The following IPO13 variants were observed in gnomAD, a reference collection of about 807,000 sequenced individuals.
IPO13 encodes importin 13, also known as importin-13.
A neutral mutation model predicts 115.5 loss-of-function variants in IPO13; 28 were observed. That is an observed-to-expected ratio of 0.24 (90% confidence interval 0.18 to 0.33). The LOEUF is 0.33. Ranked by LOEUF, IPO13 falls within the 10% of genes least tolerant of loss-of-function variation. The pLI, the probability that IPO13 is intolerant of heterozygous loss-of-function variation, is 1.00. For synonymous variants in IPO13, 414 were observed against 478.9 expected, an observed-to-expected ratio of 0.86 and a Z score of 1.77; for missense variants, 785 against 1,204.6, an observed-to-expected ratio of 0.65 and a Z score of 5.16.
rs530951279 is a variant in IPO13, at chr1:43,954,602, T to A, written c.822-1718T>A. On this transcript the variant is annotated intron_variant, in intron 2 of 19. Coordinates refer to ENST00000372343, the MANE Select transcript of IPO13 (RefSeq NM_014652.4). ...TTAGAGTGTGGCTTCCTCTGCTTAG[T>A]CTCATCTCCACAGACCAAGGTGCTG... Among the ~76,000 whole-genome samples, 7 of 152,304 alleles carry A rather than the reference T, an allele frequency of 4.6e-5. No individual in the cohort carries two copies. In the East Asian group the frequency reaches 1.3e-3, roughly 29 times the overall value.
Position 43,949,752 on chromosome 1 carries a change from A to G in IPO13, c.420A>G (p.Pro140=), listed in dbSNP as rs41270385. 61,687 of 1,614,104 alleles carry G rather than the reference A, an allele frequency of 0.038. 1,549 individuals are homozygous for G. Among genetic ancestry groups the G allele is most frequent in the East Asian group, 0.13 (5,730 of 44,876 alleles). Residue 140 remains proline (P), a synonymous_variant, in exon 2 of 20, where the codon CCA becomes CCG. Transcript: ENST00000372343. ...LALSMMPDAW[P]CAVADMVRLF... The stretch of plus-strand genomic sequence containing the variant: ...TCAGCATGATGCCTGACGCTTGGCC[A>G]TGTGCTGTGGCAGATATGGTACGAC...
rs1448552957 is a variant in IPO13, at chr1:43,956,377, G to A, written c.879G>A (p.Leu293=). 6.2e-7 allele frequency: 1 copy of A among 1,614,062 alleles called. No individual in the cohort carries two copies. The highest frequency in any genetic ancestry group is 1.7e-5 in the Admixed American group (1 of 60,008). Residue 293 remains leucine, a synonymous_variant, in exon 3 of 20, where the codon CTG becomes CTA. Coordinates refer to ENST00000372343, the MANE Select transcript of IPO13 (RefSeq NM_014652.4). This position sits in a 1 kb window ranked among gnomAD's most constrained non-coding sequence, Gnocchi z 4.7. ...IPLVLGLQEQ[L]RQAVQNGDME... ...TGGTGCTGGGTCTGCAGGAACAACT[G>A]CGGCAGGCAGTGCAGAATGGGGACA...
intron 2 of IPO13, chr1:43,953,456 A>G (rs1217985016): frequency 6.6e-6 from 1 of 152,236 alleles, no homozygotes; most frequent in Non-Finnish European, 1.5e-5. Context: ...AGGTGGTAGG[A>G]AATTTATGCA....
In IPO13 at chr1:43,966,626, G is replaced by T. The variant is rs17855392; in HGVS notation, c.2449G>T (p.Ala817Ser). ...LFLCERLDVK[A>S]VFQCAVLALK... ...CCTGTGTGAACGATTGGATGTCAAAGCTGTGTTCCAGTGTGGTAAGTGGGG... is the reference window on the plus strand; with the variant it reads ...CCTGTGTGAACGATTGGATGTCAAATCTGTGTTCCAGTGTGGTAAGTGGGG... Residue 817 changes from alanine to serine, a missense_variant, in exon 16 of 20, where the codon GCT (alanine) becomes TCT (serine). Physicochemically the swap from Ala to Ser is moderately conservative, Grantham distance 99. Around this residue, in one of 3 missense-constraint regions of IPO13, gnomAD observed 285 missense variants for 394.8 expected, o/e 0.72. Coordinates refer to ENST00000372343, the MANE Select transcript of IPO13 (RefSeq NM_014652.4). The surrounding 1 kb of genome is among the most constrained non-coding windows in gnomAD (Gnocchi z 4.1). 3.1e-6 allele frequency: 5 copies of T among 1,614,088 alleles called. No individual in the cohort carries two copies. Among genetic ancestry groups the T allele is most frequent in the Non-Finnish European group, 2.5e-6 (3 of 1,180,034 alleles).
In IPO13 at chr1:43,966,073, TTC is replaced by T. The variant is rs1267929187; in HGVS notation, c.2398-500_2398-499del. On this transcript the variant is annotated intron_variant, in intron 15 of 19. Transcript: ENST00000372343. The surrounding 1 kb of genome is among the most constrained non-coding windows in gnomAD (Gnocchi z 4.1). The stretch of plus-strand genomic sequence containing the variant: ...CTCCAAGGCTCCTGCTGTACTTTTC[TTC>T]TTTTTGAGCAGGAGCTGGAGGGTGC... The T allele has an allele frequency of 5.2e-6, 1 of 193,868 alleles. No individual in the cohort carries two copies. The highest frequency in any genetic ancestry group is 1.1e-5 in the Non-Finnish European group (1 of 91,676). 12.0% of individuals were successfully genotyped at this position (193,868 alleles called of 1,614,324 possible).
At position 43,967,062 on chromosome 1, in the gene IPO13, T is replaced by A. The variant is rs2085331018; in HGVS notation, c.2613+43T>A. On this transcript the variant is annotated intron_variant, in intron 18 of 19. Transcript: ENST00000372343. The surrounding 1 kb of genome is among the most constrained non-coding windows in gnomAD (Gnocchi z 6.1). ...GGGGTTTGATGGGGGTGAGGGCCCC[T>A]CACTGCTGAGGCAGCTGGCCTTCTG... 6.4e-7 allele frequency: 1 copy of A among 1,564,598 alleles called. No individual in the cohort carries two copies. Among genetic ancestry groups the A allele is most frequent in the Non-Finnish European group, 8.8e-7 (1 of 1,135,260 alleles).
intron 11 of IPO13, 63 bp from the exon 12 acceptor site, chr1:43,960,186 T>C: frequency 6.6e-7 from 1 of 1,512,984 alleles, no homozygotes; most frequent in Non-Finnish European, 9.2e-7. Flanking sequence ...TGCCACCAAG[T>C]CCTCCTCAAG....
rs976345854 is a variant in IPO13, at chr1:43,956,041, C to T, written c.822-279C>T. On this transcript the variant is annotated intron_variant, in intron 2 of 19. Coordinates refer to ENST00000372343, the MANE Select transcript of IPO13 (RefSeq NM_014652.4). The surrounding 1 kb of genome is among the most constrained non-coding windows in gnomAD (Gnocchi z 4.7). Reference sequence around the variant, plus strand: ...AAAAAAAAAAAATCTTAACCCATTCCGGAATCAGCTCTCAGTCCAACTGGA... The same window carrying T: ...AAAAAAAAAAAATCTTAACCCATTCTGGAATCAGCTCTCAGTCCAACTGGA... Among the ~76,000 whole-genome samples the T allele has an allele frequency of 4.6e-5, 7 of 151,470 alleles. No homozygotes were observed. Among genetic ancestry groups the T allele is most frequent in the African/African-American group, 1.2e-4 (5 of 41,260 alleles).
At position 43,956,240 on chromosome 1, in the gene IPO13, A is replaced by C; in HGVS notation, c.822-80A>C. On this transcript the variant is annotated intron_variant, in intron 2 of 19. Coordinates refer to ENST00000372343, the MANE Select transcript of IPO13 (RefSeq NM_014652.4). This position sits in a 1 kb window ranked among gnomAD's most constrained non-coding sequence, Gnocchi z 4.7. ...GGAAGGGGAGCTTTGATGGAAGACA[A>C]GGAGATTATGCCTTTCTCTTAAAGC... 1 of 1,504,836 alleles carries C rather than the reference A, an allele frequency of 6.6e-7. No homozygotes were observed. Among genetic ancestry groups the C allele is most frequent in the Non-Finnish European group, 9.1e-7 (1 of 1,096,576 alleles). 93.2% of individuals were successfully genotyped at this position (1,504,836 alleles called of 1,614,324 possible).
In IPO13 at chr1:43,952,399, A is replaced by T. The variant is rs1452675164; in HGVS notation, c.821+2246A>T. Among the ~76,000 whole-genome samples, 1 of 152,046 alleles carries T rather than the reference A, an allele frequency of 6.6e-6. No individual in the cohort carries two copies. Among genetic ancestry groups the T allele is most frequent in the Non-Finnish European group, 1.5e-5 (1 of 67,992 alleles). On this transcript the variant is annotated intron_variant, in intron 2 of 19. Transcript: ENST00000372343. The surrounding 1 kb of genome is among the most constrained non-coding windows in gnomAD (Gnocchi z 4.7). ...TGGTCAGGCTGGTCTTGAACTCCTA[A>T]CCTCAGGTGATCCATCTGCCTCCGC...
intron 2 of IPO13, among the ~76,000 whole-genome samples, chr1:43,955,075 T>G (rs1181964063): frequency 6.6e-6 from 1 of 152,132 alleles, no homozygotes; most frequent in Non-Finnish European, 1.5e-5. Context: ...TCTTTATTCT[T>G]CTCCTTCCTC....
Position 43,958,384 on chromosome 1 carries a change from C to T in IPO13, c.1750-77C>T, listed in dbSNP as rs932994123. ...TTATCCCTTATTCTCTGTTTTTCTTCTCCCAAGAGGCTCATTTTCCTTCCT... is the reference window on the plus strand; with the variant it reads ...TTATCCCTTATTCTCTGTTTTTCTTTTCCCAAGAGGCTCATTTTCCTTCCT... On this transcript the variant is annotated intron_variant, in intron 9 of 19. Transcript: ENST00000372343. This position sits in a 1 kb window ranked among gnomAD's most constrained non-coding sequence, Gnocchi z 6.3. 63 of 1,609,920 alleles carry T rather than the reference C, an allele frequency of 3.9e-5. No homozygotes were observed. Among genetic ancestry groups the T allele is most frequent in the Non-Finnish European group, 5.2e-5 (61 of 1,177,142 alleles).
chr1:43,959,284 A>T (rs536710560), intron 11 of IPO13, among the ~76,000 whole-genome samples: 5 of 152,318 alleles, frequency 3.3e-5, no homozygotes, highest in African/African-American at 1.2e-4. Context: ...GGCACTAAGG[A>T]TGCTCATTAC....
chr1:43,959,868 T>A lies in IPO13; in HGVS notation c.2029-381T>A, dbSNP rs2085277900. 2.6e-5 allele frequency among the ~76,000 whole-genome samples: 4 copies of A among 152,138 alleles called. 1 individual carries two copies. In the South Asian group the frequency reaches 6.2e-4, roughly 24 times the overall value. On this transcript the variant is annotated intron_variant, in intron 11 of 19. Transcript: ENST00000372343. ...TGTGCATTCCTTGGGGCTCCCTACC[T>A]CAAGCCTATTTGGAGGAGATAGCAT...
chr1:43,961,774 G>A (rs1203721889), intron 14 of IPO13, among the ~76,000 whole-genome samples: 1 of 152,154 alleles, frequency 6.6e-6, no homozygotes, highest in African/African-American at 2.4e-5. Context: ...CACATCTTCT[G>A]GGCCCTTGGC....
chr1:43,957,833 A>G (rs781257515), intron 7 of IPO13, 144 bp from the exon 8 acceptor site: 1 of 800,598 alleles, frequency 1.2e-6, no homozygotes, highest in Non-Finnish European at 2.0e-6. Flanking sequence ...TTGAGCATGC[A>G]CATGCATATG....
In IPO13 at chr1:43,951,992, C is replaced by T. The variant is rs934143322; in HGVS notation, c.821+1839C>T. ...GTGCACAAGTCCTGCCCCTGGTGTT[C>T]GGTAGAGAATATTTTGACTCCTTGA... On this transcript the variant is annotated intron_variant, in intron 2 of 19. Coordinates refer to ENST00000372343, the MANE Select transcript of IPO13 (RefSeq NM_014652.4). 3.9e-5 allele frequency among the ~76,000 whole-genome samples: 6 copies of T among 152,090 alleles called. No homozygotes were observed. The East Asian group carries it at 7.7e-4, about 19-fold the overall frequency.
At chr1:43,955,639 T>G (rs1304706136) in intron 2 of IPO13, among the ~76,000 whole-genome samples, 1 of 152,196 alleles carries the variant, frequency 6.6e-6, no homozygotes, top group Non-Finnish European at 1.5e-5. Context: ...AGATATCTTC[T>G]TATAAGGACA....
rs561907062 is a variant in IPO13 at position 43,947,427 on chromosome 1, G to A, written c.-174G>A. On this transcript the variant is annotated 5_prime_UTR_variant, in exon 1 of 20. Coordinates refer to ENST00000372343, the MANE Select transcript of IPO13 (RefSeq NM_014652.4). ...GAGCACCAATTTTGGTCTCTGGCAA[G>A]CCTCCCACCCCCAAACGAGGTGGGG... 3.2e-4 allele frequency: 130 copies of A among 403,130 alleles called. No homozygotes were observed. The highest frequency in any genetic ancestry group is 2.4e-3 in the African/African-American group (116 of 48,808). 25.0% of individuals were successfully genotyped at this position (403,130 alleles called of 1,614,324 possible). A position where few individuals can be genotyped will look rare whatever the true frequency, so the allele number is the denominator to read the frequency against.
Sources: allele counts gnomAD v4.1 joint callset (sites outside exome capture counted in the v4.1 genomes callset), GRCh38; gene constraint gnomAD v4.1.1; regional missense constraint gnomAD v4.1.1; non-coding constraint Gnocchi (gnomAD v3.1); transcripts MANE v1.5; gene names NCBI Gene and HGNC (gene_info 2026-07-23, HGNC 2026-07-21).